Variants in GALM observed in about 807,000 individuals in gnomAD.
The protein encoded by GALM is galactose mutarotase.
Under a neutral mutation model 37.4 loss-of-function variants are expected in GALM, and 43 were observed. The ratio of observed to expected loss-of-function variants is 1.15; its 90% CI spans 0.90 to 1.48. The LOEUF (loss-of-function observed/expected upper bound fraction) is 1.48, where lower values mean the gene tolerates loss of function less well. GALM is among the 40% of genes most tolerant of loss of function. GALM has a pLI of 0.00. For synonymous variants in GALM, 199 were observed against 170.6 expected (o/e 1.17, Z -1.30); for missense variants, 456 against 419.1 (o/e 1.09, Z -0.77).
chr2:38,666,445 AG>A, intron 1 of GALM, 94 bp downstream of exon 1: 1 of 989,314 alleles, frequency 1.0e-6, no homozygotes, highest in Non-Finnish European at 1.5e-6. Context: ...CGAGGGACCA[AG>A]GGGGAAAGTC....
chr2:38,692,622 C>T (rs561623805), intron 4 of GALM, among the ~76,000 whole-genome samples: 1 of 152,310 alleles, frequency 6.6e-6, no homozygotes, highest in African/African-American at 2.4e-5. Flanking sequence ...GCTTGCCCAT[C>T]ATTTGATCAC....
At chr2:38,688,901 A>G (rs1342859505) in intron 3 of GALM, among the ~76,000 whole-genome samples, 1 of 151,812 alleles carries the variant, frequency 6.6e-6, no homozygotes, top group African/African-American at 2.4e-5. Flanking sequence ...GCTCACCGCA[A>G]CCTCCACCTC....
Position 38,666,152 on chromosome 2 carries a change from A to G in GALM, c.-10A>G. 6.2e-7 allele frequency: 1 copy of G among 1,607,514 alleles called. No individual in the cohort carries two copies. ...GAGCGGGCAGTGGCTGCACACGCCAAACTTTCCCTATGGCTTCGGTGACCA... is the reference window on the plus strand; with the variant it reads ...GAGCGGGCAGTGGCTGCACACGCCAGACTTTCCCTATGGCTTCGGTGACCA... On this transcript the variant is annotated 5_prime_UTR_variant, in exon 1 of 7. Transcript: ENST00000272252.
intron 4 of GALM, among the ~76,000 whole-genome samples, chr2:38,725,898 G>C (rs553093900): frequency 2.6e-5 from 4 of 151,964 alleles, no homozygotes; most frequent in Non-Finnish European, 5.9e-5. Context: ...TTTTAGTAGA[G>C]ACGGGGTTTC....
At chr2:38,714,532 G>C (rs770299832) in intron 4 of GALM, among the ~76,000 whole-genome samples, 5 of 152,020 alleles carry the variant, frequency 3.3e-5, no homozygotes, top group Non-Finnish European at 7.4e-5. Context: ...TTTGAAACAG[G>C]GTGTAACCCA....
At chr2:38,697,196 G>A (rs183877411) in intron 4 of GALM, among the ~76,000 whole-genome samples, 2 of 152,270 alleles carry the variant, frequency 1.3e-5, no homozygotes, top group African/African-American at 4.8e-5. Context: ...GGGAAACTTA[G>A]GGTAAATTTT....
intron 4 of GALM, among the ~76,000 whole-genome samples, chr2:38,693,733 G>T (rs1665737096): frequency 6.6e-6 from 1 of 152,162 alleles, no homozygotes; most frequent in African/African-American, 2.4e-5. Flanking sequence ...TTATTTAACA[G>T]ATGTGAAAAC....
chr2:38,689,957 G>C (rs1665633214), intron 4 of GALM, 63 bp downstream of exon 4: 1 of 842,666 alleles, frequency 1.2e-6, no homozygotes, highest in Admixed American at 2.4e-5. Context: ...GGCCAAGAAA[G>C]GACATTAGTG....
intron 2 of GALM, 102 bp from the exon 3 acceptor site, chr2:38,681,178 A>G: frequency 1.0e-6 from 1 of 959,576 alleles, no homozygotes; most frequent in East Asian, 2.4e-5. Context: ...AATTGATTGT[A>G]TAACCATTTT....
chr2:38,728,754 C>T (rs377460936), intron 4 of GALM, among the ~76,000 whole-genome samples: 1 of 152,122 alleles, frequency 6.6e-6, no homozygotes, highest in Non-Finnish European at 1.5e-5. Flanking sequence ...GAAACAGAGC[C>T]CTTTTCTTTT....
chr2:38,726,968 C>T (rs866199857), intron 4 of GALM, among the ~76,000 whole-genome samples: 12 of 151,910 alleles, frequency 7.9e-5, no homozygotes, highest in African/African-American at 2.7e-4. Context: ...GTAATCCCAG[C>T]ACTTTGGGAG....
intron 4 of GALM, 40 bp from the exon 5 acceptor site, chr2:38,729,516 T>G (rs766601259): frequency 3.8e-6 from 6 of 1,598,934 alleles, no homozygotes; most frequent in Non-Finnish European, 4.3e-6. Context: ...AGATGAGACT[T>G]GGGCATTTAT....
At chr2:38,732,050 C>CAAAAA in intron 6 of GALM, 141 bp downstream of exon 6, 1 of 775,504 alleles carries the variant, frequency 1.3e-6, no homozygotes, top group Non-Finnish European at 2.0e-6. Context: ...GACAGAGTCT[C>CAAAAA]ACTCTTGTCG....
intron 2 of GALM, among the ~76,000 whole-genome samples, chr2:38,679,612 G>C (rs1246509635): frequency 6.6e-6 from 1 of 152,164 alleles, no homozygotes; most frequent in East Asian, 1.9e-4. Context: ...TCTCATGCCT[G>C]CAACAGGCCC....
At chr2:38,689,775 A>T (rs1465124495) in intron 3 of GALM, 38 bp from the exon 4 acceptor site, 1 of 1,183,856 alleles carries the variant, frequency 8.4e-7, no homozygotes, top group Non-Finnish European at 1.2e-6. Context: ...ATGAAATAAG[A>T]CTAAGCAGAA....
At chr2:38,703,053 T>C (rs1207341438) in intron 4 of GALM, among the ~76,000 whole-genome samples, 27 of 28,264 alleles carry the variant, frequency 9.6e-4, no homozygotes, top group African/African-American at 3.0e-3. Flanking sequence ...TATGTGGGAT[T>C]TTATATATAT....
chr2:38,705,703 G>C (rs1345631726), intron 4 of GALM, among the ~76,000 whole-genome samples: 1 of 152,166 alleles, frequency 6.6e-6, no homozygotes, highest in Non-Finnish European at 1.5e-5. Context: ...CCACTCCCAG[G>C]GTCGTGCATG....
At chr2:38,707,164 G>C (rs1484704379) in intron 4 of GALM, among the ~76,000 whole-genome samples, 1 of 152,064 alleles carries the variant, frequency 6.6e-6, no homozygotes, top group Non-Finnish European at 1.5e-5. Context: ...TTTGAGGTTA[G>C]GGTGCCTGTG....
chr2:38,725,060 A>C (rs1459928460), intron 4 of GALM, among the ~76,000 whole-genome samples: 3 of 152,226 alleles, frequency 2.0e-5, no homozygotes, highest in Non-Finnish European at 4.4e-5. Flanking sequence ...AGTCGATCAC[A>C]CTAGGACTGT....
Sources: allele counts gnomAD v4.1 joint callset (sites outside exome capture counted in the v4.1 genomes callset), GRCh38; gene constraint gnomAD v4.1.1; transcripts MANE v1.5; gene names NCBI Gene and HGNC (gene_info 2026-07-23, HGNC 2026-07-21).